The following NEDD9 variants were observed in gnomAD, a reference collection of about 807,000 sequenced individuals.
NEDD9 encodes enhancer of filamentation 1.
In NEDD9, 26 loss-of-function variants were observed where a neutral mutation model predicts 76.6. The ratio of observed to expected loss-of-function variants is 0.34; its 90% CI spans 0.25 to 0.47. The LOEUF (loss-of-function observed/expected upper bound fraction) is 0.47, where lower values mean the gene tolerates loss of function less well. Among genes scored for constraint, NEDD9 ranks in the 20% least tolerant of loss-of-function variants. The probability of loss-of-function intolerance (pLI) is 1.00; values close to 1 mark genes in which losing one functional copy is unlikely to be tolerated. For synonymous variants in NEDD9, 392 were observed against 414.2 expected (o/e 0.95, Z 0.65); for missense variants, 937 against 1,058.5 (o/e 0.89, Z 1.59).
intron 3 of NEDD9, among the ~76,000 whole-genome samples, chr6:11,302,207 G>A (rs2092142): frequency 0.57 from 86,343 of 151,736 alleles, 25,229 homozygotes; most frequent in East Asian, 0.8. Flanking sequence ...CCACAGAAAT[G>A]CAAACTACCA....
Position 11,267,868 on chromosome 6 carries a change from G to A in NEDD9, c.12+38124C>T, listed in dbSNP as rs79582196. Among the ~76,000 whole-genome samples the A allele has an allele frequency of 1.8e-4, 28 of 152,186 alleles. No homozygotes were observed. The East Asian group carries it at 4.2e-3, about 23-fold the overall frequency. On this transcript the variant is annotated intron_variant, in intron 3 of 3. Transcript: ENST00000397378. ...AAAGTTTATTTCTAAGTATTATGCC[G>A]TAAGAATAGATTGAATTTAAGTAGA...
intron 1 of NEDD9, among the ~76,000 whole-genome samples, chr6:11,356,013 G>A (rs774271570): frequency 6.6e-6 from 1 of 152,026 alleles, no homozygotes; most frequent in Non-Finnish European, 1.5e-5. Context: ...GAGCCACCAT[G>A]CCCGGCCGAG....
At chr6:11,331,497 T>C (rs1020703396) in intron 2 of NEDD9, among the ~76,000 whole-genome samples, 1 of 152,038 alleles carries the variant, frequency 6.6e-6, no homozygotes, top group Non-Finnish European at 1.5e-5. Context: ...GACTTAAGAA[T>C]TTTTTATCCC....
intron 2 of NEDD9, among the ~76,000 whole-genome samples, chr6:11,306,319 T>C (rs1761182551): frequency 6.6e-6 from 1 of 152,240 alleles, no homozygotes; most frequent in Non-Finnish European, 1.5e-5. Flanking sequence ...AAAGCATTTA[T>C]GGGGTTCTTA....
At chr6:11,278,655 A>G (rs1236098716) in intron 3 of NEDD9, among the ~76,000 whole-genome samples, 2 of 152,258 alleles carry the variant, frequency 1.3e-5, no homozygotes, top group African/African-American at 4.8e-5. Flanking sequence ...TCTAACAGAT[A>G]AGATACTGGA....
upstream of NEDD9, chr6:11,233,593 C>A: frequency 2.0e-6 from 1 of 500,140 alleles, no homozygotes; most frequent in Non-Finnish European, 4.1e-6. Flanking sequence ...TCCAGGAGAA[C>A]GAAAATGCCC....
In NEDD9 at chr6:11,198,216, A is replaced by G. The variant is rs1326202153; in HGVS notation, c.460-4524T>C. 1.3e-5 allele frequency: 2 copies of G among 152,192 alleles called. No homozygotes were observed. Among genetic ancestry groups the G allele is most frequent in the Non-Finnish European group, 2.9e-5 (2 of 68,028 alleles). The allele number at this position is 152,192 out of a possible 1,614,324, so 9.4% of individuals were successfully genotyped here. ...TTCAAAATTGACTTAAATTTTAAAA[A>G]CAGTGTCTTGGCCAAACTAAACGCG... On this transcript the variant is annotated intron_variant, in intron 2 of 6. Coordinates refer to ENST00000379446, the MANE Select transcript of NEDD9 (RefSeq NM_006403.4). This position sits in a 1 kb window ranked among gnomAD's most constrained non-coding sequence, Gnocchi z 4.7.
At chr6:11,225,131 G>A (rs1397442124) in intron 1 of NEDD9, among the ~76,000 whole-genome samples, 1 of 151,784 alleles carries the variant, frequency 6.6e-6, no homozygotes, top group Non-Finnish European at 1.5e-5. Context: ...CATACACACA[G>A]TAAAAAAAGG....
chr6:11,287,293 T>C (rs1760670596), intron 3 of NEDD9, among the ~76,000 whole-genome samples: 2 of 152,102 alleles, frequency 1.3e-5, no homozygotes, highest in Admixed American at 6.6e-5. Context: ...CCAGGCATGG[T>C]GGCAGGTGCC....
chr6:11,261,796 A>T (rs1760120982), intron 3 of NEDD9, among the ~76,000 whole-genome samples: 1 of 133,416 alleles, frequency 7.5e-6, no homozygotes, highest in Non-Finnish European at 1.6e-5. Flanking sequence ...TTGCTCTGCT[A>T]AAATTCCCAA....
chr6:11,226,037 A>G (rs1428400324), intron 1 of NEDD9, among the ~76,000 whole-genome samples: 1 of 152,128 alleles, frequency 6.6e-6, no homozygotes, highest in Non-Finnish European at 1.5e-5. Flanking sequence ...AACTGTCTTC[A>G]AAGAGAGTCA....
Position 11,277,563 on chromosome 6 carries a change from C to T in NEDD9, c.12+28429G>A, listed in dbSNP as rs925236318. 3.9e-5 allele frequency among the ~76,000 whole-genome samples: 6 copies of T among 152,284 alleles called. No individual in the cohort carries two copies. In the South Asian group the frequency reaches 1.2e-3, roughly 32 times the overall value. ...ACAGAGGCCAGCTGGTGAGAAAAGG[C>T]TCAGAGAGCAGCGCGAACTAGTCCA... On this transcript the variant is annotated intron_variant, in intron 3 of 3. Transcript: ENST00000397378.
At chr6:11,193,736 T>A in intron 2 of NEDD9, 44 bp from the exon 3 acceptor site, 1 of 1,295,128 alleles carries the variant, frequency 7.7e-7, no homozygotes, top group Non-Finnish European at 1.1e-6. Context: ...CAAGCCTGAG[T>A]CCTTGAATCT....
intron 6 of NEDD9, among the ~76,000 whole-genome samples, chr6:11,186,408 C>G (rs186443772): frequency 1.3e-5 from 2 of 152,202 alleles, no homozygotes; most frequent in African/African-American, 4.8e-5. Context: ...TCATTGCTAC[C>G]AAATGGTGTA....
rs185759251 is a variant in NEDD9 at position 11,335,479 on chromosome 6, C to A, written c.-213-918G>T. On this transcript the variant is annotated intron_variant, in intron 1 of 3. Transcript: ENST00000397378. ...ATTGGTCAACAAAAAGGGACAAATT[C>A]TTCTCCACAACAACACCCGACTGCA... 3.8e-3 allele frequency among the ~76,000 whole-genome samples: 576 copies of A among 152,306 alleles called. 2 individuals are homozygous for A. The highest frequency in any genetic ancestry group is 0.013 in the African/African-American group (543 of 41,550).
chr6:11,200,183 C>A, intron 2 of NEDD9: 1 of 393,734 alleles, frequency 2.5e-6, no homozygotes, highest in South Asian at 1.8e-5. Context: ...TAGGGCTCAC[C>A]AAGGCAGGGA....
At chr6:11,290,796 A>T (rs1401613959) in intron 3 of NEDD9, among the ~76,000 whole-genome samples, 1 of 152,174 alleles carries the variant, frequency 6.6e-6, no homozygotes, top group African/African-American at 2.4e-5. Context: ...GCAAAACCTT[A>T]AAAAGGGATT....
Position 11,189,980 on chromosome 6 carries a change from T to G in NEDD9, c.1889A>C (p.Asp630Ala), listed in dbSNP as rs1321531935. ...GSERSWMDDYDYVHLQGKEEF... is the reference protein window; with the variant it reads ...GSERSWMDDYAYVHLQGKEEF... The stretch of plus-strand genomic sequence containing the variant: ...CTGTTTTACCTGTAGGTGGACGTAA[T>G]CGTAGTCATCCATCCAGCTCCTCTC... Residue 630 changes from aspartate (D) to alanine (A), a missense_variant, in exon 5 of 7, where the codon GAT (aspartate) becomes GCT (alanine). Asp to Ala is a moderately radical substitution (Grantham distance 126). Coordinates refer to ENST00000379446, the MANE Select transcript of NEDD9 (RefSeq NM_006403.4). The G allele has an allele frequency of 6.6e-7, 1 of 1,517,776 alleles. No homozygotes were observed. Among genetic ancestry groups the G allele is most frequent in the South Asian group, 1.3e-5 (1 of 75,188 alleles). The allele number at this position is 1,517,776 out of a possible 1,614,324, so 94.0% of individuals were successfully genotyped here.
intron 5 of NEDD9, among the ~76,000 whole-genome samples, chr6:11,189,092 G>A (rs898863386): frequency 6.6e-5 from 10 of 152,146 alleles, no homozygotes; most frequent in Non-Finnish European, 1.0e-4. Flanking sequence ...GACTACAGGC[G>A]TGCATCACCA....
Sources: gnomAD v4.1 joint callset for allele counts (sites outside exome capture counted in the v4.1 genomes callset) on GRCh38, gnomAD v4.1.1 for gene constraint, Gnocchi (gnomAD v3.1) non-coding constraint, MANE v1.5 for transcripts, NCBI Gene and HGNC (gene_info 2026-07-23, HGNC 2026-07-21) for gene names.